FAM120B: variants seen among roughly 807,000 people sequenced by gnomAD.
The protein encoded by FAM120B is family with sequence similarity 120 member B, also known as constitutive coactivator of peroxisome proliferator-activated receptor gamma.
A neutral mutation model predicts 96.3 loss-of-function variants in FAM120B; 83 were observed. That is an observed-to-expected ratio of 0.86 (90% CI 0.72 to 1.03). The LOEUF (loss-of-function observed/expected upper bound fraction) is 1.03. Among genes scored for constraint, FAM120B ranks in the 50% least tolerant of loss-of-function variants. FAM120B has a pLI of 0.00. For missense variants in FAM120B, 1,027 were observed against 1,121.2 expected, an observed-to-expected ratio of 0.92 and a Z score of 1.20; for synonymous variants, 407 against 402.7, an observed-to-expected ratio of 1.01 and a Z score of -0.13.
upstream of FAM120B, among the ~76,000 whole-genome samples, chr6:170,302,526 C>G (rs935715355): frequency 2.6e-5 from 4 of 152,204 alleles, no homozygotes; most frequent in Admixed American, 2.6e-4. Flanking sequence ...GCAAATACAT[C>G]TTGCAGTCTA....
At chr6:170,391,419 C>T (rs1173160622) in intron 8 of FAM120B, among the ~76,000 whole-genome samples, 1 of 152,076 alleles carries the variant, frequency 6.6e-6, no homozygotes, top group African/African-American at 2.4e-5. Flanking sequence ...CCTGTAATCC[C>T]AGCTACTTGG....
chr6:170,292,614 G>T (rs538507664), upstream of FAM120B, among the ~76,000 whole-genome samples: 4 of 152,358 alleles, frequency 2.6e-5, no homozygotes, highest in South Asian at 4.1e-4. The surrounding 1 kb of genome is among the most constrained non-coding windows in gnomAD (Gnocchi z 6.6). Context: ...CTTGATCAAA[G>T]TGTCTAAGCA....
intron 6 of FAM120B, among the ~76,000 whole-genome samples, chr6:170,373,526 C>A (rs1279011836): frequency 6.6e-6 from 1 of 152,140 alleles, no homozygotes; most frequent in Admixed American, 6.5e-5. Flanking sequence ...GTTCTGTCTC[C>A]CAATGTAACT....
chr6:170,295,324 C>A lies in FAM120B; in HGVS notation c.-82C>A, dbSNP rs1214259470. ...GTGGGTGCACAGATGTGTTCACACT[C>A]GGTTGCCGCGCGTGGACTTACAAGC... On this transcript the variant is annotated 5_prime_UTR_variant, in exon 1 of 11. Coordinates refer to the FAM120B transcript ENST00000537664. The surrounding 1 kb of genome is among the most constrained non-coding windows in gnomAD (Gnocchi z 7.8). 1.4e-6 allele frequency: 1 copy of A among 695,008 alleles called. No individual in the cohort carries two copies. Among genetic ancestry groups the A allele is most frequent in the Non-Finnish European group, 2.6e-6 (1 of 381,372 alleles). The allele number at this position is 695,008 out of a possible 1,614,324, so 43.1% of individuals were successfully genotyped here. A position where few individuals can be genotyped will look rare whatever the true frequency, so the allele number is the denominator to read the frequency against.
intron 1 of FAM120B, among the ~76,000 whole-genome samples, chr6:170,307,827 G>C (rs965014964): frequency 1.1e-4 from 17 of 152,288 alleles, no homozygotes; most frequent in African/African-American, 4.1e-4. Context: ...CCCCGAAATG[G>C]TAGTGGAGAG....
chr6:170,317,730 A>G lies in FAM120B; in HGVS notation c.340A>G (p.Arg114Gly). The G allele has an allele frequency of 1.2e-6, 2 of 1,614,222 alleles. No homozygotes were observed. The highest frequency in any genetic ancestry group is 1.7e-6 in the Non-Finnish European group (2 of 1,180,014). The change falls in exon 2 of 11, where the codon AGG (arginine) becomes GGG (glycine). Residue 114 changes from arginine to glycine, a missense_variant. Coordinates refer to ENST00000476287, the MANE Select transcript of FAM120B (RefSeq NM_032448.3). The stretch of plus-strand genomic sequence containing the variant: ...GCTCAAGAACAACAGGGAGATATCC[A>G]GGATTTTTCATTACATCAAGTCACA... ...RRLKNNREIS[R>G]IFHYIKSHKE...
upstream of FAM120B, among the ~76,000 whole-genome samples, chr6:170,304,672 T>C (rs1299897564): frequency 6.6e-6 from 1 of 152,170 alleles, no homozygotes; most frequent in African/African-American, 2.4e-5. Flanking sequence ...CCAGCTCTGC[T>C]TCCTGCTCCC....
chr6:170,369,450 C>T (rs138801218), intron 6 of FAM120B, among the ~76,000 whole-genome samples: 134 of 152,212 alleles, frequency 8.8e-4, no homozygotes, highest in African/African-American at 3.1e-3. Flanking sequence ...GATCTTGATA[C>T]GTGTTTGAGA....
rs1264113358 is a variant in FAM120B at position 170,314,119 on chromosome 6, T to G, written c.-21-3251T>G. Reference sequence around the variant, plus strand: ...CCTATTTACTGGTAACTCAATACCCTGGGACTGGTCTGACTGTCAGGAGAA... The same window carrying G: ...CCTATTTACTGGTAACTCAATACCCGGGGACTGGTCTGACTGTCAGGAGAA... On this transcript the variant is annotated intron_variant, in intron 1 of 10. Coordinates refer to ENST00000476287, the MANE Select transcript of FAM120B (RefSeq NM_032448.3). 3.9e-5 allele frequency among the ~76,000 whole-genome samples: 6 copies of G among 152,382 alleles called. No homozygotes were observed. In the South Asian group the frequency reaches 1.2e-3, roughly 32 times the overall value.
intron 2 of FAM120B, 148 bp downstream of exon 2, chr6:170,319,272 A>G (rs910840361): frequency 5.2e-5 from 37 of 713,794 alleles, no homozygotes; most frequent in Non-Finnish European, 8.3e-5. Flanking sequence ...GTGTGACGTT[A>G]TATGTGTGGA....
chr6:170,336,316 G>A lies in FAM120B; in HGVS notation c.2017+5766G>A, dbSNP rs1786415511. Among the ~76,000 whole-genome samples the A allele has an allele frequency of 2.6e-5, 4 of 152,250 alleles. No individual in the cohort carries two copies. The South Asian group carries it at 6.2e-4, about 24-fold the overall frequency. On this transcript the variant is annotated intron_variant, in intron 4 of 10. Transcript: ENST00000476287. ...TTATTAAACAGGGAATCTTTTCCCTGTTGCTTGTTTTTGTCAGGTTTGTCA... is the reference window on the plus strand; with the variant it reads ...TTATTAAACAGGGAATCTTTTCCCTATTGCTTGTTTTTGTCAGGTTTGTCA...
chr6:170,361,614 G>C (rs1035999324), intron 6 of FAM120B, among the ~76,000 whole-genome samples: 1 of 152,032 alleles, frequency 6.6e-6, no homozygotes, highest in African/African-American at 2.4e-5. Context: ...TTATGTGTTT[G>C]CCAGTTTTCC....
At chr6:170,392,288 A>T (rs1790519796) in intron 8 of FAM120B, among the ~76,000 whole-genome samples, 1 of 151,860 alleles carries the variant, frequency 6.6e-6, no homozygotes, top group East Asian at 1.9e-4. Flanking sequence ...GCTCACTGCA[A>T]CCTCCGCCTC....
chr6:170,332,919 T>TA (rs1313965958), intron 4 of FAM120B, among the ~76,000 whole-genome samples: 2 of 152,128 alleles, frequency 1.3e-5, no homozygotes, highest in African/African-American at 2.4e-5. Flanking sequence ...TCTTTTTTTT[T>TA]AAAGTCTTTT....
chr6:170,369,353 G>A (rs925132609), intron 6 of FAM120B, among the ~76,000 whole-genome samples: 4 of 152,172 alleles, frequency 2.6e-5, no homozygotes, highest in Admixed American at 6.5e-5. Flanking sequence ...TGTGCAGTGC[G>A]TCTGCCTCCT....
At chr6:170,378,774 G>A (rs1789732359) in intron 6 of FAM120B, among the ~76,000 whole-genome samples, 1 of 152,188 alleles carries the variant, frequency 6.6e-6, no homozygotes, top group South Asian at 2.1e-4. Context: ...GGCGGGGTGG[G>A]CTGCACCTGA....
chr6:170,324,676 A>G (rs1318861284), intron 3 of FAM120B, among the ~76,000 whole-genome samples: 1 of 152,218 alleles, frequency 6.6e-6, no homozygotes, highest in African/African-American at 2.4e-5. Context: ...TAACTTTATT[A>G]GATAACCACA....
chr6:170,343,859 C>T (rs1786998393), intron 4 of FAM120B, among the ~76,000 whole-genome samples: 1 of 152,154 alleles, frequency 6.6e-6, no homozygotes, highest in African/African-American at 2.4e-5. Flanking sequence ...CAGCTTTGTT[C>T]ACTAGTATGT....
At chr6:170,369,120 G>T (rs1465356050) in intron 6 of FAM120B, among the ~76,000 whole-genome samples, 1 of 152,176 alleles carries the variant, frequency 6.6e-6, no homozygotes, top group Non-Finnish European at 1.5e-5. Context: ...GAGTCCCTCA[G>T]CAGCTTAAAT....
Sources: allele counts gnomAD v4.1 joint callset (sites outside exome capture counted in the v4.1 genomes callset), GRCh38; gene constraint gnomAD v4.1.1; non-coding constraint Gnocchi (gnomAD v3.1); transcripts MANE v1.5; gene names NCBI Gene and HGNC (gene_info 2026-07-23, HGNC 2026-07-21).